Variants in ADAMTSL1 observed in about 807,000 individuals in gnomAD.
The protein encoded by ADAMTSL1 is ADAMTS-like protein 1.
In ADAMTSL1, 126 loss-of-function variants were observed where a neutral mutation model predicts 201.8. The ratio of observed to expected loss-of-function variants is 0.62; its 90% CI spans 0.54 to 0.72. The LOEUF (loss-of-function observed/expected upper bound fraction) is 0.72. ADAMTSL1 is among the 30% of genes least tolerant of loss of function. The pLI is 0.00. For synonymous variants in ADAMTSL1, 1,121 were observed against 903.4 expected, an observed-to-expected ratio of 1.24 and a Z score of -4.32; for missense variants, 2,679 against 2,277.8, an observed-to-expected ratio of 1.18 and a Z score of -3.59.
intron 1 of ADAMTSL1, among the ~76,000 whole-genome samples, chr9:17,907,104 G>A (rs1198484427): frequency 6.6e-6 from 1 of 152,192 alleles, no homozygotes; most frequent in Non-Finnish European, 1.5e-5. Flanking sequence ...CCCTGGGGTC[G>A]ATCGGGTCGA....
intron 15 of ADAMTSL1, among the ~76,000 whole-genome samples, chr9:18,725,144 G>A (rs965455967): frequency 3.9e-5 from 6 of 152,126 alleles, no homozygotes; most frequent in African/African-American, 1.4e-4. Flanking sequence ...CTGACCTCGT[G>A]ATCTGCCCAC....
intron 1 of ADAMTSL1, among the ~76,000 whole-genome samples, chr9:18,057,992 A>G (rs181275197): frequency 1.3e-5 from 2 of 152,348 alleles, no homozygotes; most frequent in Admixed American, 1.3e-4. Flanking sequence ...TGGCTAGGCT[A>G]TAAGTCAGCA....
rs1250949949 is a variant in ADAMTSL1 at position 18,688,946 on chromosome 9, TAAAGTTC to T, written c.1574+4150_1574+4156del. 3.3e-5 allele frequency among the ~76,000 whole-genome samples: 5 copies of T among 151,864 alleles called. No individual in the cohort carries two copies. In the East Asian group the frequency reaches 9.7e-4, roughly 29 times the overall value. On this transcript the variant is annotated intron_variant, in intron 13 of 28. Transcript: ENST00000380548. ...AAATACTGATAAAATTATCTTCTGT[TAAAGTTC>T]AAACTATGTCATTTCGAATTTCCCT...
At chr9:18,549,319 C>A (rs1820657023) in intron 3 of ADAMTSL1, among the ~76,000 whole-genome samples, 1 of 151,980 alleles carries the variant, frequency 6.6e-6, no homozygotes, top group South Asian at 2.1e-4. Flanking sequence ...GAGTTAATGT[C>A]TTCAAAATAT....
At chr9:18,778,002 G>A (rs1366147274) in intron 19 of ADAMTSL1, 96 bp downstream of exon 19, 120 of 1,469,958 alleles carry the variant, frequency 8.2e-5, no homozygotes, top group Non-Finnish European at 1.0e-4. Context: ...TGTTTCCAGG[G>A]GTAGGGCTTA....
At chr9:18,621,807 G>T (rs1276313447) in intron 4 of ADAMTSL1, among the ~76,000 whole-genome samples, 1 of 152,116 alleles carries the variant, frequency 6.6e-6, no homozygotes, top group Non-Finnish European at 1.5e-5. Context: ...GAACCATGTG[G>T]AACATGGAGA....
chr9:18,330,143 G>C (rs16936597), intron 2 of ADAMTSL1, among the ~76,000 whole-genome samples: 261 of 152,268 alleles, frequency 1.7e-3, no homozygotes, highest in African/African-American at 5.9e-3. Flanking sequence ...TCAGTTAGCT[G>C]ACATAGATAA....
chr9:18,300,921 G>T (rs917342327), intron 2 of ADAMTSL1, among the ~76,000 whole-genome samples: 4 of 152,078 alleles, frequency 2.6e-5, no homozygotes, highest in African/African-American at 9.7e-5. Context: ...TATATTGAGA[G>T]ACATTTTACA....
chr9:18,725,986 C>A (rs558368827), intron 15 of ADAMTSL1, among the ~76,000 whole-genome samples: 1 of 152,320 alleles, frequency 6.6e-6, no homozygotes, highest in South Asian at 2.1e-4. Context: ...TTTAGACCTA[C>A]TCTGTCACTT....
chr9:18,513,754 G>A (rs1445968026), intron 2 of ADAMTSL1, among the ~76,000 whole-genome samples: 2 of 152,098 alleles, frequency 1.3e-5, no homozygotes, highest in Admixed American at 6.5e-5. Context: ...TGTATTCTTG[G>A]AACCTTTGTC....
chr9:18,495,772 G>C (rs190197284), intron 1 of ADAMTSL1, among the ~76,000 whole-genome samples: 44 of 152,228 alleles, frequency 2.9e-4, no homozygotes, highest in African/African-American at 1.0e-3. Context: ...GAAGGTGGGG[G>C]AGTGATACCT....
chr9:18,686,844 G>A (rs372104551), intron 13 of ADAMTSL1, among the ~76,000 whole-genome samples: 21 of 152,218 alleles, frequency 1.4e-4, no homozygotes, highest in East Asian at 7.7e-4. Context: ...ATAGACCATC[G>A]TCAACCATAT....
intron 15 of ADAMTSL1, among the ~76,000 whole-genome samples, chr9:18,746,228 G>A (rs765970580): frequency 1.3e-5 from 2 of 152,166 alleles, no homozygotes; most frequent in Non-Finnish European, 2.9e-5. Context: ...GAGAGATTTA[G>A]AGATAAATTG....
chr9:18,904,633 CA>C lies in ADAMTSL1; in HGVS notation c.4852-1110del, dbSNP rs71333072. On this transcript the variant is annotated intron_variant, in intron 26 of 28. Transcript: ENST00000380548. ...TGGGCAACAGAAAGAGACCCTGCCT[CA>C]AAAAAAAAAAAAAAAAAAAAAAAAA... Among the ~76,000 whole-genome samples the C allele has an allele frequency of 5.9e-3, 88 of 15,004 alleles. 10 individuals carry two copies. Among genetic ancestry groups the C allele is most frequent in the Admixed American group, 7.3e-3 (4 of 548 alleles). The allele number at this position is 15,004 out of a possible 152,430, so 9.8% of individuals were successfully genotyped here.
At chr9:18,254,338 C>CTTTTTGGT (rs1368243957) in intron 2 of ADAMTSL1, among the ~76,000 whole-genome samples, 2 of 94,508 alleles carry the variant, frequency 2.1e-5, no homozygotes, top group African/African-American at 7.4e-5. Context: ...CGTCAATACT[C>CTTTTTGGT]TTTTTGGTTT....
chr9:18,216,994 G>A (rs1401395921), intron 2 of ADAMTSL1, among the ~76,000 whole-genome samples: 1 of 152,028 alleles, frequency 6.6e-6, no homozygotes, highest in Non-Finnish European at 1.5e-5. Context: ...GTTGGGAGTT[G>A]AGATAGGGCT....
intron 2 of ADAMTSL1, among the ~76,000 whole-genome samples, chr9:18,173,406 T>C (rs923812914): frequency 6.6e-5 from 10 of 152,120 alleles, no homozygotes; most frequent in African/African-American, 1.9e-4. Flanking sequence ...TAGTAAATAA[T>C]GTCAGGATGA....
chr9:18,670,851 G>C (rs1829764082), intron 9 of ADAMTSL1, among the ~76,000 whole-genome samples: 2 of 152,102 alleles, frequency 1.3e-5, no homozygotes, highest in African/African-American at 2.4e-5. Context: ...ATGGGGGATT[G>C]GTTCCAGGAC....
At chr9:18,758,603 C>G (rs73419038) in intron 16 of ADAMTSL1, among the ~76,000 whole-genome samples, 1,599 of 152,264 alleles carry the variant, frequency 0.011, 35 homozygotes, top group African/African-American at 0.036. Context: ...ACTGCTAATT[C>G]TGTCCCTTCA....
Sources: allele counts gnomAD v4.1 joint callset (sites outside exome capture counted in the v4.1 genomes callset), GRCh38; gene constraint gnomAD v4.1.1; transcripts MANE v1.5; gene names NCBI Gene and HGNC (gene_info 2026-07-23, HGNC 2026-07-21).